MCPH1: variants seen among roughly 807,000 people sequenced by gnomAD.
MCPH1 encodes the protein microcephalin.
MCPH1 carries 104 observed loss-of-function variants against 84.5 expected under a neutral mutation model. The observed-to-expected ratio is 1.23, with a 90% CI of 1.05 to 1.45. The LOEUF (loss-of-function observed/expected upper bound fraction) is 1.45, where lower values mean the gene tolerates loss of function less well. MCPH1 is among the 40% of genes most tolerant of loss of function. MCPH1 has a pLI of 0.00. For missense variants in MCPH1, 1,498 were observed against 1,005.7 expected (o/e 1.49, Z -6.62); for synonymous variants, 514 against 366.8 (o/e 1.40, Z -4.58).
In MCPH1 at chr8:6,523,444, A is replaced by G. The variant is rs181423890; in HGVS notation, c.2214+23515A>G. 2.0e-3 allele frequency among the ~76,000 whole-genome samples: 306 copies of G among 152,330 alleles called. 6 individuals are homozygous for G. Among genetic ancestry groups the G allele is most frequent in the African/African-American group, 7.1e-3 (295 of 41,576 alleles). ...AAATATGTTCAATGAAGAGCATACC[A>G]CTTTTAAACTAAAAATAGTTCCTGT... On this transcript the variant is annotated intron_variant, in intron 12 of 13. Transcript: ENST00000344683.
rs56247663 is a variant in MCPH1, at chr8:6,486,262, ATCTCTCTCTCTC to A, written c.2136+5408_2136+5419del. ...TATACATTGACTTTGTGTACAAGGA[ATCTCTCTCTCTC>A]TCTCTCTCTCTCTCTCTCTCTGGCA... is the stretch of plus-strand genomic sequence containing the variant. On this transcript the variant is annotated intron_variant, in intron 11 of 13. Coordinates refer to ENST00000344683, the MANE Select transcript of MCPH1 (RefSeq NM_024596.5). Among the ~76,000 whole-genome samples the A allele has an allele frequency of 2.8e-3, 410 of 147,158 alleles. 4 individuals carry two copies. The highest frequency in any genetic ancestry group is 9.8e-3 in the African/African-American group (392 of 39,928).
chr8:6,588,841 C>A (rs573451214), intron 12 of MCPH1, among the ~76,000 whole-genome samples: 56 of 152,374 alleles, frequency 3.7e-4, no homozygotes, highest in African/African-American at 1.3e-3. Flanking sequence ...TCTGCCAGCA[C>A]CACGACAGGC....
At chr8:6,622,021 C>G (rs1157041360) in intron 13 of MCPH1, 2 of 404,500 alleles carry the variant, frequency 4.9e-6, no homozygotes, top group East Asian at 6.9e-5. Flanking sequence ...CCTCTTAGAC[C>G]CTCCCTCCCC....
At chr8:6,614,564 A>G (rs911498048) in intron 12 of MCPH1, among the ~76,000 whole-genome samples, 15 of 152,206 alleles carry the variant, frequency 9.9e-5, no homozygotes, top group African/African-American at 3.4e-4. Context: ...ATCAGAGGAC[A>G]TTAGCAAACA....
intron 12 of MCPH1, among the ~76,000 whole-genome samples, chr8:6,504,494 A>T (rs558324745): frequency 1.4e-4 from 22 of 152,148 alleles, no homozygotes; most frequent in African/African-American, 5.3e-4. Context: ...TGTCTTGGTT[A>T]TTAGATCGAT....
chr8:6,505,523 CTTTAT>C lies in MCPH1; in HGVS notation c.2214+5595_2214+5599del, dbSNP rs1284084140. ...TATATGTATATATAGAATATATATT[CTTTAT>C]ATATGTATATATAGAATATATATAC... On this transcript the variant is annotated intron_variant, in intron 12 of 13. Transcript: ENST00000344683. 8.6e-5 allele frequency among the ~76,000 whole-genome samples: 5 copies of C among 57,820 alleles called. 2 individuals carry two copies. Among genetic ancestry groups the C allele is most frequent in the Non-Finnish European group, 2.2e-4 (5 of 22,442 alleles). The allele number at this position is 57,820 out of a possible 152,430, so 37.9% of individuals were successfully genotyped here.
chr8:6,475,622 G>C (rs1321915639), intron 9 of MCPH1, among the ~76,000 whole-genome samples: 2 of 152,210 alleles, frequency 1.3e-5, no homozygotes, highest in Non-Finnish European at 2.9e-5. Context: ...CATGAGTCGG[G>C]AGGGCAATGC....
At chr8:6,601,678 A>G (rs983792186) in intron 12 of MCPH1, among the ~76,000 whole-genome samples, 1 of 141,008 alleles carries the variant, frequency 7.1e-6, no homozygotes, top group African/African-American at 3.2e-5. Flanking sequence ...TACACATGCC[A>G]CTACACACAG....
intron 12 of MCPH1, among the ~76,000 whole-genome samples, chr8:6,553,639 A>G (rs1351300075): frequency 6.6e-6 from 1 of 152,090 alleles, no homozygotes; most frequent in Non-Finnish European, 1.5e-5. Context: ...TGGGGCCAGA[A>G]ACAAAATCCC....
intron 11 of MCPH1, among the ~76,000 whole-genome samples, chr8:6,481,277 C>A (rs1273720701): frequency 6.6e-6 from 1 of 152,192 alleles, no homozygotes; most frequent in African/African-American, 2.4e-5. Context: ...ATTGTTTGTA[C>A]AGATGGATTT....
intron 12 of MCPH1, chr8:6,562,514 C>G (rs1246849987): frequency 1.3e-6 from 1 of 775,750 alleles, no homozygotes; most frequent in Non-Finnish European, 1.8e-6. Flanking sequence ...AGGGTACCAG[C>G]AACCCGCTCT....
intron 13 of MCPH1, among the ~76,000 whole-genome samples, chr8:6,634,478 C>T (rs1016233980): frequency 6.9e-6 from 1 of 144,038 alleles, no homozygotes; most frequent in Non-Finnish European, 1.6e-5. Flanking sequence ...ATTAAGGATG[C>T]CAAGGACAGA....
chr8:6,540,598 A>T (rs1219296715), intron 12 of MCPH1, among the ~76,000 whole-genome samples: 2 of 152,262 alleles, frequency 1.3e-5, no homozygotes, highest in East Asian at 3.9e-4. Flanking sequence ...TTGTCAGGCC[A>T]CGTCTGCATA....
intron 12 of MCPH1, chr8:6,618,519 A>C (rs1831090222): frequency 1.3e-5 from 2 of 152,198 alleles, no homozygotes; most frequent in African/African-American, 2.4e-5. Flanking sequence ...TTTTTGGTTA[A>C]GAACAAGCAT....
At chr8:6,622,727 G>C (rs1016048577) in intron 13 of MCPH1, among the ~76,000 whole-genome samples, 7 of 152,176 alleles carry the variant, frequency 4.6e-5, no homozygotes, top group Admixed American at 1.3e-4. Flanking sequence ...ACCTCACGTG[G>C]CCTTTCCTCC....
chr8:6,452,744 C>T (rs929886704), intron 8 of MCPH1, among the ~76,000 whole-genome samples: 1 of 152,200 alleles, frequency 6.6e-6, no homozygotes, highest in African/African-American at 2.4e-5. Flanking sequence ...CTCCTTCAAG[C>T]CAGGAAGAAA....
At chr8:6,628,342 G>A (rs1796904868) in intron 13 of MCPH1, among the ~76,000 whole-genome samples, 1 of 151,660 alleles carries the variant, frequency 6.6e-6, no homozygotes, top group Non-Finnish European at 1.5e-5. Flanking sequence ...GTGGTGGCAG[G>A]TGCCTGTAGT....
intron 5 of MCPH1, among the ~76,000 whole-genome samples, chr8:6,436,897 G>A (rs2922831): frequency 0.015 from 2,241 of 152,080 alleles, 56 homozygotes; most frequent in African/African-American, 0.05. Context: ...GTGAACCTGG[G>A]AGGCAGAGCT....
Position 6,567,072 on chromosome 8 carries a change from TGTG to T in MCPH1, c.2215-54378_2215-54376del, listed in dbSNP as rs1194043799. On this transcript the variant is annotated intron_variant, in intron 12 of 13. Coordinates refer to ENST00000344683, the MANE Select transcript of MCPH1 (RefSeq NM_024596.5). ...GCAAGGCCATGGATAGTGCACGCGGTGTGGTGACCGTGTGTGATCGGCAAGGCC... is the reference window on the plus strand; with the variant it reads ...GCAAGGCCATGGATAGTGCACGCGGTGTGACCGTGTGTGATCGGCAAGGCC... Among the ~76,000 whole-genome samples the T allele has an allele frequency of 7.4e-4, 109 of 147,582 alleles. 1 individual carries two copies. The highest frequency in any genetic ancestry group is 2.6e-3 in the African/African-American group (102 of 39,460).
Sources: allele counts gnomAD v4.1 joint callset (sites outside exome capture counted in the v4.1 genomes callset), GRCh38; gene constraint gnomAD v4.1.1; transcripts MANE v1.5; gene names NCBI Gene and HGNC (gene_info 2026-07-23, HGNC 2026-07-21).